The following STK39 variants were observed in gnomAD, a reference collection of about 807,000 sequenced individuals.
The protein encoded by STK39 is STE20/SPS1-related proline-alanine-rich protein kinase.
Under a neutral mutation model 77.8 loss-of-function variants are expected in STK39, and 20 were observed. That is an observed-to-expected ratio of 0.26 (90% confidence interval 0.18 to 0.37). STK39 has a LOEUF of 0.37. STK39 is among the 10% of genes least tolerant of loss of function. STK39 has a pLI of 1.00. For missense variants in STK39, 479 were observed against 656.5 expected, an observed-to-expected ratio of 0.73 and a Z score of 2.95; for synonymous variants, 246 against 234.1, an observed-to-expected ratio of 1.05 and a Z score of -0.47.
At chr2:168,184,129 T>C (rs1689148660) in intron 1 of STK39, among the ~76,000 whole-genome samples, 1 of 152,162 alleles carries the variant, frequency 6.6e-6, no homozygotes, top group Admixed American at 6.5e-5. Context: ...AATAAATTAA[T>C]TCCCAGAAAG....
At chr2:168,186,953 A>T (rs558966011) in intron 1 of STK39, among the ~76,000 whole-genome samples, 3 of 152,248 alleles carry the variant, frequency 2.0e-5, no homozygotes, top group African/African-American at 7.2e-5. Flanking sequence ...CATGATGAGC[A>T]TAAGAGTTTA....
chr2:168,177,316 A>C (rs1688979282), intron 2 of STK39, among the ~76,000 whole-genome samples: 1 of 152,072 alleles, frequency 6.6e-6, no homozygotes, highest in Non-Finnish European at 1.5e-5. Flanking sequence ...CCTGCCCCTG[A>C]GAATTAAACT....
chr2:168,240,349 T>C (rs149458215), intron 1 of STK39, among the ~76,000 whole-genome samples: 1 of 152,162 alleles, frequency 6.6e-6, no homozygotes, highest in Non-Finnish European at 1.5e-5. Flanking sequence ...AATTTTGGTA[T>C]AGCAGTATCT....
chr2:168,089,049 AT>A (rs1239763958), intron 10 of STK39, among the ~76,000 whole-genome samples: 4 of 152,178 alleles, frequency 2.6e-5, no homozygotes, highest in Non-Finnish European at 4.4e-5. Context: ...TAATCAGCAC[AT>A]TCCTCCCTCA....
At chr2:168,151,479 G>A (rs976413135) in intron 5 of STK39, among the ~76,000 whole-genome samples, 6 of 152,126 alleles carry the variant, frequency 3.9e-5, no homozygotes, top group Non-Finnish European at 7.4e-5. Context: ...GCTCACTCCT[G>A]TAATCCCAGC....
chr2:168,149,238 A>T (rs1688219845), intron 5 of STK39, among the ~76,000 whole-genome samples: 1 of 152,218 alleles, frequency 6.6e-6, no homozygotes, highest in South Asian at 2.1e-4. Context: ...CTCCTGAATA[A>T]AATAACCATC....
At position 168,031,518 on chromosome 2, in the gene STK39, C is replaced by T. The variant is rs527624309; in HGVS notation, c.1377-14423G>A. 2.0e-5 allele frequency among the ~76,000 whole-genome samples: 3 copies of T among 152,266 alleles called. No individual in the cohort carries two copies. In the South Asian group the frequency reaches 6.2e-4, roughly 32 times the overall value. On this transcript the variant is annotated intron_variant, in intron 14 of 17. Coordinates refer to ENST00000355999, the MANE Select transcript of STK39 (RefSeq NM_013233.3). ...GTTCAGATTCATGTTGAAAGCCTAA[C>T]AGCCAGTACCTCAGAATGTGACCGT...
chr2:168,107,891 G>C (rs183167487), intron 10 of STK39, among the ~76,000 whole-genome samples: 1 of 152,182 alleles, frequency 6.6e-6, no homozygotes, highest in South Asian at 2.1e-4. Context: ...CACTTTATAC[G>C]GACACCTGCT....
At chr2:168,136,099 T>G (rs574650349) in intron 8 of STK39, among the ~76,000 whole-genome samples, 104 of 151,638 alleles carry the variant, frequency 6.9e-4, no homozygotes, top group African/African-American at 2.4e-3. Context: ...CCGGGTGCGG[T>G]AGCTCATGCC....
intron 1 of STK39, among the ~76,000 whole-genome samples, chr2:168,198,649 T>C (rs1352074550): frequency 1.3e-5 from 2 of 152,130 alleles, no homozygotes; most frequent in African/African-American, 2.4e-5. Flanking sequence ...TAAACCAGAG[T>C]GTGTGCATTT....
intron 10 of STK39, among the ~76,000 whole-genome samples, chr2:168,102,324 A>G (rs1286056632): frequency 6.6e-6 from 1 of 152,106 alleles, no homozygotes; most frequent in Non-Finnish European, 1.5e-5. Flanking sequence ...GCTTTTGTCC[A>G]TCTTTTTTAT....
chr2:167,976,182 A>G lies in STK39; in HGVS notation c.1499-11456T>C, dbSNP rs183170321. ...TCATGATCAAATTTATAAAAGTGCA[A>G]ATAACAAAAGAAGTGAGTATACTAC... On this transcript the variant is annotated intron_variant, in intron 16 of 17. Coordinates refer to ENST00000355999, the MANE Select transcript of STK39 (RefSeq NM_013233.3). Among the ~76,000 whole-genome samples, 119 of 152,346 alleles carry G rather than the reference A, an allele frequency of 7.8e-4. 1 individual carries two copies. Among genetic ancestry groups the G allele is most frequent in the African/African-American group, 2.6e-3 (110 of 41,586 alleles).
At chr2:168,061,892 A>G (rs1319676425) in intron 14 of STK39, among the ~76,000 whole-genome samples, 1 of 152,210 alleles carries the variant, frequency 6.6e-6, no homozygotes, top group East Asian at 1.9e-4. Context: ...ATTTTCCAGG[A>G]GACTTTTATG....
chr2:168,126,441 T>C (rs1687544003), intron 10 of STK39, among the ~76,000 whole-genome samples: 1 of 152,180 alleles, frequency 6.6e-6, no homozygotes, highest in African/African-American at 2.4e-5. Context: ...AATAAACGTT[T>C]TCATTTCATT....
intron 17 of STK39, among the ~76,000 whole-genome samples, chr2:167,957,418 T>A (rs139532123): frequency 4.6e-5 from 7 of 152,342 alleles, no homozygotes; most frequent in African/African-American, 1.7e-4. Context: ...GCATTTTGGC[T>A]GAGGTATTTC....
intron 12 of STK39, among the ~76,000 whole-genome samples, chr2:168,067,818 T>C (rs1242658954): frequency 6.6e-6 from 1 of 152,164 alleles, no homozygotes; most frequent in Non-Finnish European, 1.5e-5. Context: ...AGGATGGACA[T>C]TTGAGAGAAT....
intron 5 of STK39, among the ~76,000 whole-genome samples, chr2:168,145,519 A>G (rs938722608): frequency 7.2e-5 from 11 of 152,190 alleles, no homozygotes; most frequent in African/African-American, 2.2e-4. Context: ...TTCCCAAAAA[A>G]GCCAAACATT....
intron 10 of STK39, among the ~76,000 whole-genome samples, chr2:168,077,645 G>A (rs751230670): frequency 1.1e-4 from 17 of 152,124 alleles, no homozygotes; most frequent in Non-Finnish European, 2.4e-4. Context: ...ATACTAACTT[G>A]TCTTTGAGAA....
intron 16 of STK39, among the ~76,000 whole-genome samples, chr2:167,981,365 T>A (rs190790741): frequency 1.3e-5 from 2 of 152,388 alleles, no homozygotes; most frequent in African/African-American, 4.8e-5. Flanking sequence ...TGCTTTAGAC[T>A]TTTCTGCAAA....
Sources: gnomAD v4.1 joint callset for allele counts (sites outside exome capture counted in the v4.1 genomes callset) on GRCh38, gnomAD v4.1.1 for gene constraint, MANE v1.5 for transcripts, NCBI Gene and HGNC (gene_info 2026-07-23, HGNC 2026-07-21) for gene names.